SLCO3A1: variants seen among roughly 807,000 people sequenced by gnomAD.
SLCO3A1 encodes PGE1 transporter.
SLCO3A1 carries 27 observed loss-of-function variants against 63.1 expected under a neutral mutation model. The ratio of observed to expected loss-of-function variants is 0.43; its 90% CI spans 0.32 to 0.59. The LOEUF is 0.59. Ranked by LOEUF, SLCO3A1 falls within the 20% of genes least tolerant of loss-of-function variation. The pLI, the probability that SLCO3A1 is intolerant of heterozygous loss-of-function variation, is 0.09. For missense variants in SLCO3A1, 773 were observed against 945.8 expected, an observed-to-expected ratio of 0.82 and a Z score of 2.40; for synonymous variants, 473 against 409.9, an observed-to-expected ratio of 1.15 and a Z score of -1.86.
At chr15:92,126,909 C>T (rs1467530267) in intron 6 of SLCO3A1, among the ~76,000 whole-genome samples, 1 of 152,200 alleles carries the variant, frequency 6.6e-6, no homozygotes, top group African/African-American at 2.4e-5. Context: ...GGAAATCCAG[C>T]CTGGAGCATC....
At chr15:92,000,001 T>C (rs986431940) in intron 2 of SLCO3A1, among the ~76,000 whole-genome samples, 1 of 152,206 alleles carries the variant, frequency 6.6e-6, no homozygotes, top group South Asian at 2.1e-4. Flanking sequence ...GTATTTGATA[T>C]GTATAAGATA....
chr15:92,023,210 TGCAGCCTTACAA>T (rs1318858022), intron 2 of SLCO3A1, among the ~76,000 whole-genome samples: 5 of 152,190 alleles, frequency 3.3e-5, no homozygotes, highest in African/African-American at 1.2e-4. Context: ...CAGCCTTACA[TGCAGCCTTACAA>T]GGATAAACTT....
intron 2 of SLCO3A1, among the ~76,000 whole-genome samples, chr15:91,986,627 G>T (rs2046057040): frequency 6.6e-6 from 1 of 151,970 alleles, no homozygotes; most frequent in Admixed American, 6.5e-5. Context: ...AATCAGATGT[G>T]GGTTGACACT....
intron 2 of SLCO3A1, among the ~76,000 whole-genome samples, chr15:92,011,013 T>C (rs993910378): frequency 3.3e-5 from 5 of 152,178 alleles, no homozygotes; most frequent in Non-Finnish European, 5.9e-5. Context: ...AAAACCCAAG[T>C]CAGATCAAGT....
chr15:91,927,798 C>T (rs931256442), intron 2 of SLCO3A1, among the ~76,000 whole-genome samples: 2 of 152,192 alleles, frequency 1.3e-5, no homozygotes, highest in African/African-American at 2.4e-5. Flanking sequence ...TTTGGATTCT[C>T]AGCAAGAGGT....
chr15:92,162,644 C>T (rs999501957), intron 9 of SLCO3A1, 112 bp from the exon 10 acceptor site: 116 of 1,487,678 alleles, frequency 7.8e-5, no homozygotes, highest in South Asian at 1.5e-4. Flanking sequence ...CTTTGAGCCA[C>T]GGAGTCAGAC....
At chr15:92,088,595 A>T (rs565515866) in intron 2 of SLCO3A1, among the ~76,000 whole-genome samples, 1 of 152,188 alleles carries the variant, frequency 6.6e-6, no homozygotes, top group Non-Finnish European at 1.5e-5. Context: ...CTGGGCTACA[A>T]TCAAGGTGCT....
At chr15:91,999,123 C>G (rs2046224470) in intron 2 of SLCO3A1, among the ~76,000 whole-genome samples, 2 of 152,110 alleles carry the variant, frequency 1.3e-5, no homozygotes, top group Non-Finnish European at 2.9e-5. Context: ...ATAATAGACA[C>G]TGGGGACTAC....
intron 2 of SLCO3A1, among the ~76,000 whole-genome samples, chr15:91,969,800 C>G (rs972493290): frequency 9.2e-5 from 14 of 152,198 alleles, no homozygotes; most frequent in African/African-American, 3.4e-4. Context: ...AGAGATCTAG[C>G]TATGTCTATG....
At chr15:92,080,355 A>G (rs1174117155) in intron 2 of SLCO3A1, among the ~76,000 whole-genome samples, 2 of 150,254 alleles carry the variant, frequency 1.3e-5, no homozygotes, top group African/African-American at 2.4e-5. Context: ...GCTTTTCCCG[A>G]GCCTACAATT....
chr15:91,973,012 T>G (rs1170474025), intron 2 of SLCO3A1, among the ~76,000 whole-genome samples: 1 of 152,062 alleles, frequency 6.6e-6, no homozygotes, highest in African/African-American at 2.4e-5. Flanking sequence ...TCCCAGCTAC[T>G]AGGGAGGCAG....
At chr15:92,162,564 C>G (rs1828791370) in intron 9 of SLCO3A1, 192 bp from the exon 10 acceptor site, 2 of 865,086 alleles carry the variant, frequency 2.3e-6, no homozygotes, top group African/African-American at 1.7e-5. Context: ...AAATAACTTG[C>G]TCAGATTTGT....
At chr15:91,868,941 T>A (rs1047588210) in intron 1 of SLCO3A1, among the ~76,000 whole-genome samples, 1 of 152,346 alleles carries the variant, frequency 6.6e-6, no homozygotes, top group East Asian at 1.9e-4. Context: ...GACCTTATTG[T>A]TTTTATAAAA....
rs762635036 is a variant in SLCO3A1, at chr15:92,163,151, T to A, written c.*16T>A. ...CGTTTTATAGTGACTAAAGGAGGGC[T>A]GAACTCTGTATTAGTAATCCAAGGG... On this transcript the variant is annotated 3_prime_UTR_variant, in exon 10 of 10. Transcript: ENST00000318445. The A allele has an allele frequency of 6.7e-7, 1 of 1,497,354 alleles. No individual in the cohort carries two copies. The highest frequency in any genetic ancestry group is 8.9e-7 in the Non-Finnish European group (1 of 1,126,088). The allele number at this position is 1,497,354 out of a possible 1,614,324, so 92.8% of individuals were successfully genotyped here.
intron 10 of SLCO3A1, chr15:92,171,661 A>C (rs764393026): frequency 1.2e-5 from 9 of 722,630 alleles, no homozygotes; most frequent in Non-Finnish European, 2.2e-5. Context: ...TTGACTGCCT[A>C]CTCTTGTCCC....
At chr15:92,140,908 A>G (rs2048123278) in intron 7 of SLCO3A1, among the ~76,000 whole-genome samples, 2 of 152,334 alleles carry the variant, frequency 1.3e-5, no homozygotes, top group South Asian at 4.1e-4. Context: ...ATCAATGAGC[A>G]TCCAGACTGC....
chr15:91,857,008 G>C (rs927531576), intron 1 of SLCO3A1, among the ~76,000 whole-genome samples: 2 of 150,522 alleles, frequency 1.3e-5, no homozygotes, highest in Non-Finnish European at 3.0e-5. Context: ...GATTTAAGAA[G>C]CAACTTTGAG....
intron 2 of SLCO3A1, among the ~76,000 whole-genome samples, chr15:92,063,423 T>A (rs2047110145): frequency 6.6e-6 from 1 of 152,210 alleles, no homozygotes; most frequent in Non-Finnish European, 1.5e-5. Flanking sequence ...GACCTGGACA[T>A]GTGTCCTAAC....
intron 7 of SLCO3A1, among the ~76,000 whole-genome samples, chr15:92,135,443 C>T (rs1185078289): frequency 6.6e-6 from 1 of 152,176 alleles, no homozygotes; most frequent in African/African-American, 2.4e-5. Context: ...ATTCTTCAGC[C>T]AGTGACCCCA....
Sources: allele counts gnomAD v4.1 joint callset (sites outside exome capture counted in the v4.1 genomes callset), GRCh38; gene constraint gnomAD v4.1.1; transcripts MANE v1.5; gene names NCBI Gene and HGNC (gene_info 2026-07-23, HGNC 2026-07-21).